Variants in NTM observed in about 807,000 individuals in gnomAD.
NTM encodes IgLON family member 2.
A neutral mutation model predicts 42.1 loss-of-function variants in NTM; 13 were observed. The ratio of observed to expected loss-of-function variants is 0.31; its 90% CI spans 0.20 to 0.49. NTM has a LOEUF of 0.49. NTM is among the 20% of genes least tolerant of loss of function. The probability of loss-of-function intolerance (pLI) is 0.99; values close to 1 mark genes in which losing one functional copy is unlikely to be tolerated. For synonymous variants in NTM, 187 were observed against 179.2 expected (o/e 1.04, Z -0.35); for missense variants, 373 against 452.8 (o/e 0.82, Z 1.60).
At chr11:131,918,181 G>A (rs553745715) in intron 2 of NTM, among the ~76,000 whole-genome samples, 2 of 152,266 alleles carry the variant, frequency 1.3e-5, no homozygotes, top group South Asian at 2.1e-4. Flanking sequence ...TGAGAGGGCC[G>A]GCAGCCAGTA....
At chr11:132,249,364 T>A (rs1208518665) in intron 4 of NTM, among the ~76,000 whole-genome samples, 1 of 152,064 alleles carries the variant, frequency 6.6e-6, no homozygotes, top group Non-Finnish European at 1.5e-5. Flanking sequence ...TAAGCAGCCC[T>A]CCTGTCAGCT....
At chr11:131,952,350 T>G (rs1170679435) in intron 2 of NTM, among the ~76,000 whole-genome samples, 1 of 152,242 alleles carries the variant, frequency 6.6e-6, no homozygotes, top group Non-Finnish European at 1.5e-5. Flanking sequence ...TATAGTCATC[T>G]AAATACTTCC....
chr11:131,723,317 G>C (rs943963794), intron 1 of NTM, among the ~76,000 whole-genome samples: 3 of 152,276 alleles, frequency 2.0e-5, no homozygotes, highest in African/African-American at 7.2e-5. Context: ...ATGGATGGGA[G>C]AGTGTAGAGC....
chr11:131,798,818 G>T (rs1433753507), intron 1 of NTM, among the ~76,000 whole-genome samples: 1 of 152,144 alleles, frequency 6.6e-6, no homozygotes, highest in Non-Finnish European at 1.5e-5. Context: ...CTCTGTACTG[G>T]CACCTGCCTT....
At chr11:131,415,599 C>T (rs1416921957) in intron 1 of NTM, among the ~76,000 whole-genome samples, 1 of 152,194 alleles carries the variant, frequency 6.6e-6, no homozygotes, top group Non-Finnish European at 1.5e-5. Flanking sequence ...AGGACTCCTT[C>T]TCCTAAACCA....
intron 1 of NTM, among the ~76,000 whole-genome samples, chr11:131,797,243 T>C (rs1565564121): frequency 6.6e-6 from 1 of 152,134 alleles, no homozygotes; most frequent in East Asian, 1.9e-4. Context: ...AGGACATCAA[T>C]AAAACAGTGA....
chr11:131,565,398 T>A (rs1221916337), intron 1 of NTM, among the ~76,000 whole-genome samples: 1 of 152,192 alleles, frequency 6.6e-6, no homozygotes, highest in Non-Finnish European at 1.5e-5. Context: ...CTCGTGAGGT[T>A]TCCAGGTCTC....
intron 2 of NTM, among the ~76,000 whole-genome samples, chr11:132,005,660 A>G (rs1055065103): frequency 6.6e-6 from 1 of 152,124 alleles, no homozygotes; most frequent in Non-Finnish European, 1.5e-5. Context: ...TTCATATCCT[A>G]CCATCCAACA....
At chr11:131,444,990 G>C (rs1183174045) in intron 1 of NTM, among the ~76,000 whole-genome samples, 1 of 152,190 alleles carries the variant, frequency 6.6e-6, no homozygotes, top group African/African-American at 2.4e-5. Flanking sequence ...TAATGAGAGA[G>C]AAAAGTAAGT....
intron 4 of NTM, 24 bp from the exon 5 acceptor site, chr11:132,307,665 C>A (rs1472413424): frequency 3.1e-6 from 5 of 1,612,682 alleles, no homozygotes; most frequent in African/African-American, 1.3e-5. Flanking sequence ...TGTATTTCAC[C>A]ACACGTTACC....
At chr11:131,426,955 C>T (rs560131696) in intron 1 of NTM, among the ~76,000 whole-genome samples, 1 of 152,196 alleles carries the variant, frequency 6.6e-6, no homozygotes, top group South Asian at 2.1e-4. Context: ...TTATCCTCCC[C>T]CAAGTTGGTC....
chr11:131,935,603 G>A (rs1261960521), intron 2 of NTM, among the ~76,000 whole-genome samples: 1 of 152,106 alleles, frequency 6.6e-6, no homozygotes, highest in Non-Finnish European at 1.5e-5. Context: ...AGGATAGGTG[G>A]GGGAGGGAAG....
chr11:132,099,173 G>T (rs1293587823), intron 2 of NTM, among the ~76,000 whole-genome samples: 1 of 152,112 alleles, frequency 6.6e-6, no homozygotes, highest in Non-Finnish European at 1.5e-5. Context: ...AGATAAAGGG[G>T]GAAAAACTCT....
intron 1 of NTM, among the ~76,000 whole-genome samples, chr11:131,718,515 C>T (rs1400013726): frequency 6.6e-6 from 1 of 152,144 alleles, no homozygotes. Context: ...ATCAAGTTTT[C>T]CATTCTGTCT....
chr11:132,290,103 C>A (rs1048742604), intron 4 of NTM, among the ~76,000 whole-genome samples: 2 of 152,186 alleles, frequency 1.3e-5, no homozygotes, highest in Non-Finnish European at 2.9e-5. Context: ...TATTGTTTAA[C>A]CTTCAGAGCT....
intron 1 of NTM, among the ~76,000 whole-genome samples, chr11:131,420,270 G>T (rs977310345): frequency 1.3e-5 from 2 of 152,138 alleles, no homozygotes; most frequent in African/African-American, 2.4e-5. Flanking sequence ...AGGAGCAGGA[G>T]ACCTGATGAT....
At chr11:132,195,700 A>G (rs2080095161) in intron 3 of NTM, among the ~76,000 whole-genome samples, 1 of 152,214 alleles carries the variant, frequency 6.6e-6, no homozygotes. Context: ...ATAACAAGCA[A>G]TGGGAAAAGG....
At chr11:131,456,240 C>A (rs565745791) in intron 1 of NTM, among the ~76,000 whole-genome samples, 29 of 152,164 alleles carry the variant, frequency 1.9e-4, no homozygotes, top group African/African-American at 6.8e-4. Context: ...TTGTTTCAGT[C>A]GCTGTTAGAT....
chr11:131,911,680 G>T, intron 2 of NTM, 32 bp downstream of exon 2: 1 of 1,613,698 alleles, frequency 6.2e-7, no homozygotes, highest in Middle Eastern at 1.7e-4. Flanking sequence ...GCGAACTGAT[G>T]GTTTGTATGG....
Sources: allele counts gnomAD v4.1 joint callset (sites outside exome capture counted in the v4.1 genomes callset), GRCh38; gene constraint gnomAD v4.1.1; transcripts MANE v1.5; gene names NCBI Gene and HGNC (gene_info 2026-07-23, HGNC 2026-07-21).